The following ASH1L variants were observed in gnomAD, a reference collection of about 807,000 sequenced individuals.
ASH1L encodes the protein ASH1 like histone lysine methyltransferase.
ASH1L carries 23 observed loss-of-function variants against 269.0 expected under a neutral mutation model. The ratio of observed to expected loss-of-function variants is 0.09; its 90% CI spans 0.06 to 0.12. The LOEUF (loss-of-function observed/expected upper bound fraction) is 0.12, where lower values mean the gene tolerates loss of function less well. Among genes scored for constraint, ASH1L ranks in the 10% least tolerant of loss-of-function variants. The pLI is 1.00. For synonymous variants in ASH1L, 1,187 were observed against 1,253.5 expected, an observed-to-expected ratio of 0.95 and a Z score of 1.12; for missense variants, 2,912 against 3,567.8, an observed-to-expected ratio of 0.82 and a Z score of 4.68.
At chr1:155,520,569 A>G (rs996728104) in intron 2 of ASH1L, among the ~76,000 whole-genome samples, 1 of 151,784 alleles carries the variant, frequency 6.6e-6, no homozygotes, top group African/African-American at 2.4e-5. Context: ...GCCTTTAAAA[A>G]CTGCATAAAT....
At chr1:155,433,865 G>A (rs1218547285) in intron 5 of ASH1L, 4 of 1,604,932 alleles carry the variant, frequency 2.5e-6, no homozygotes, top group Non-Finnish European at 3.4e-6. Flanking sequence ...CCTCTTGCAG[G>A]CTCGAAAGAG....
intron 2 of ASH1L, among the ~76,000 whole-genome samples, chr1:155,517,893 C>T (rs60593241): frequency 6.8e-5 from 10 of 147,136 alleles, no homozygotes; most frequent in Non-Finnish European, 1.1e-4. Flanking sequence ...CTCCGCCTCC[C>T]GGGTTCACGC....
intron 12 of ASH1L, chr1:155,370,265 C>A: frequency 1.9e-6 from 1 of 526,844 alleles, no homozygotes; most frequent in Non-Finnish European, 3.4e-6. Flanking sequence ...GCATGCCAAA[C>A]AAAAAAACCA....
chr1:155,407,315 G>A (rs1042112481), intron 6 of ASH1L, among the ~76,000 whole-genome samples: 1 of 152,154 alleles, frequency 6.6e-6, no homozygotes, highest in Non-Finnish European at 1.5e-5. Flanking sequence ...AAGTAAGACA[G>A]ACTCATAAAT....
intron 7 of ASH1L, among the ~76,000 whole-genome samples, chr1:155,391,992 A>T (rs1657969833): frequency 6.6e-6 from 1 of 152,170 alleles, no homozygotes; most frequent in African/African-American, 2.4e-5. Context: ...ATAAGAAAGA[A>T]ATAAAAGAAA....
At chr1:155,475,156 A>G (rs1368717590) in intron 3 of ASH1L, among the ~76,000 whole-genome samples, 1 of 148,384 alleles carries the variant, frequency 6.7e-6, no homozygotes. Context: ...CTTTTTTTTT[A>G]TTTTTATTTT....
chr1:155,554,238 C>T (rs1457239552), intron 1 of ASH1L, among the ~76,000 whole-genome samples: 2 of 152,036 alleles, frequency 1.3e-5, no homozygotes, highest in African/African-American at 4.8e-5. Context: ...GTGGATGCCA[C>T]CACACTTGGC....
chr1:155,368,481 T>C (rs1351034862), intron 12 of ASH1L, among the ~76,000 whole-genome samples: 4 of 151,780 alleles, frequency 2.6e-5, no homozygotes, highest in Non-Finnish European at 5.9e-5. Flanking sequence ...TTTTTGAGAC[T>C]GAGTCTCACT....
At chr1:155,550,254 G>A (rs1305437195) in intron 1 of ASH1L, among the ~76,000 whole-genome samples, 1 of 152,040 alleles carries the variant, frequency 6.6e-6, no homozygotes, top group East Asian at 1.9e-4. Flanking sequence ...TCCTGACCTC[G>A]TGATCCACCC....
intron 10 of ASH1L, among the ~76,000 whole-genome samples, chr1:155,377,568 A>AAAAAC (rs1032186419): frequency 2.0e-5 from 3 of 151,972 alleles, no homozygotes; most frequent in East Asian, 1.9e-4. Context: ...TATCTCTAAA[A>AAAAAC]AAAACAAAAC....
At chr1:155,509,508 A>T (rs1340197186) in intron 2 of ASH1L, among the ~76,000 whole-genome samples, 2 of 152,238 alleles carry the variant, frequency 1.3e-5, no homozygotes, top group Non-Finnish European at 2.9e-5. Flanking sequence ...TCTTAAAAAT[A>T]GTGTTGAGGC....
Position 155,357,640 on chromosome 1 carries a change from T to G in ASH1L, c.6905A>C (p.Lys2302Thr). 6.2e-7 allele frequency: 1 copy of G among 1,614,196 alleles called. No homozygotes were observed. The highest frequency in any genetic ancestry group is 8.5e-7 in the Non-Finnish European group (1 of 1,180,026). ...CTTCTCTTTTGACCGTCCAGATTTT[T>G]TGTGTGTGGCCATGGGCTGGCTGTT... is the stretch of plus-strand genomic sequence containing the variant. Reference protein sequence around the residue: ...SKNSQPMATHKKSGRSKEKRK... With the variant: ...SKNSQPMATHTKSGRSKEKRK... Residue 2302 changes from lysine to threonine, a missense_variant, in exon 14 of 28, where the codon AAA becomes ACA. This residue lies in a region of ASH1L where 309 missense variants were observed against 435.1 expected (regional missense o/e 0.71). Coordinates refer to ENST00000392403, the MANE Select transcript of ASH1L (RefSeq NM_018489.3).
chr1:155,517,722 C>T (rs1048509278), intron 2 of ASH1L, among the ~76,000 whole-genome samples: 2 of 149,394 alleles, frequency 1.3e-5, no homozygotes, highest in African/African-American at 4.9e-5. Context: ...TGCAGAAAGA[C>T]AGACATATGG....
In ASH1L at chr1:155,339,333, T is replaced by C; in HGVS notation, c.8496A>G (p.Gly2832=). The change falls in exon 26 of 28, where the codon GGA becomes GGG. Residue 2832 remains glycine (G), a synonymous_variant. Transcript: ENST00000392403. The part of the protein sequence containing the change: ...HYVPDNYKRN[G]GRSSWKSERS... ...TATCCCCCCATGGGACTTACCGTCC[T>C]CCATTCCTCTTGTAGTTGTCTGGGA... 2 of 1,613,608 alleles carry C rather than the reference T, an allele frequency of 1.2e-6. No homozygotes were observed. Among genetic ancestry groups the C allele is most frequent in the Non-Finnish European group, 8.5e-7 (1 of 1,179,518 alleles).
intron 17 of ASH1L, among the ~76,000 whole-genome samples, chr1:155,349,823 T>C (rs1244310518): frequency 6.7e-6 from 1 of 149,308 alleles, no homozygotes; most frequent in Non-Finnish European, 1.5e-5. Flanking sequence ...GTTCAAGCGA[T>C]TCTCCTGCCT....
chr1:155,343,772 T>C lies in ASH1L; in HGVS notation c.7982-30A>G. ...GAAGACCCAGAACACAGAAGAAACA[T>C]AAAACAATTCTTGTATGAATTCTGT... is the stretch of plus-strand genomic sequence containing the variant. On this transcript the variant is annotated intron_variant, in intron 22 of 27. Transcript: ENST00000392403. The surrounding 1 kb of genome is among the most constrained non-coding windows in gnomAD (Gnocchi z 6.1). The C allele has an allele frequency of 6.2e-7, 1 of 1,608,598 alleles. No individual in the cohort carries two copies. The highest frequency in any genetic ancestry group is 8.5e-7 in the Non-Finnish European group (1 of 1,177,868).
chr1:155,427,421 C>A (rs1339345530), intron 5 of ASH1L, among the ~76,000 whole-genome samples: 1 of 152,056 alleles, frequency 6.6e-6, no homozygotes, highest in East Asian at 1.9e-4. Flanking sequence ...GATTGTCCTG[C>A]CTCAGGCTCC....
intron 7 of ASH1L, among the ~76,000 whole-genome samples, chr1:155,385,926 T>TG (rs1320302088): frequency 1.3e-5 from 2 of 152,046 alleles, no homozygotes; most frequent in Non-Finnish European, 2.9e-5. Context: ...GACATTGTGG[T>TG]GGGGTAGTTA....
chr1:155,425,047 G>A (rs1208005394), intron 5 of ASH1L, among the ~76,000 whole-genome samples: 1 of 151,788 alleles, frequency 6.6e-6, no homozygotes, highest in Non-Finnish European at 1.5e-5. Flanking sequence ...TCAGCTCACT[G>A]CAATCTCCGC....
Sources: allele counts gnomAD v4.1 joint callset (sites outside exome capture counted in the v4.1 genomes callset), GRCh38; gene constraint gnomAD v4.1.1; regional missense constraint gnomAD v4.1.1; non-coding constraint Gnocchi (gnomAD v3.1); transcripts MANE v1.5; gene names NCBI Gene and HGNC (gene_info 2026-07-23, HGNC 2026-07-21).